The following ZNF786 variants were observed in gnomAD, a reference collection of about 807,000 sequenced individuals.
ZNF786 encodes zinc finger protein 786.
Under a neutral mutation model 63.1 loss-of-function variants are expected in ZNF786, and 56 were observed. The ratio of observed to expected loss-of-function variants is 0.89; its 90% CI spans 0.72 to 1.11. ZNF786 has a LOEUF of 1.11. Among genes scored for constraint, ZNF786 ranks in the 50% least tolerant of loss-of-function variants. The probability of loss-of-function intolerance (pLI) is 0.00; values close to 1 mark genes in which losing one functional copy is unlikely to be tolerated. For missense variants in ZNF786, 1,213 were observed against 1,041.8 expected (o/e 1.16, Z -2.26); for synonymous variants, 485 against 406.9 (o/e 1.19, Z -2.31).
rs751543988 is a variant in ZNF786 at position 149,070,769 on chromosome 7, C to G, written c.2003G>C (p.Arg668Thr). The change falls in exon 4 of 4, where the codon AGA (arginine) becomes ACA (threonine). Residue 668 changes from arginine to threonine, a missense_variant. Physicochemically the swap from Arg to Thr is moderately conservative, Grantham distance 71. Transcript: ENST00000491431. ...AAAAGGCTTCTCTCCCGTGTGCGTTCTGATGTGCTCGATGAGCTTTGAGTG... is the reference window on the plus strand; with the variant it reads ...AAAAGGCTTCTCTCCCGTGTGCGTTGTGATGTGCTCGATGAGCTTTGAGTG... Reference protein sequence around the residue: ...VKHSKLIEHIRTHTGEKPFQC... With the variant: ...VKHSKLIEHITTHTGEKPFQC... 1 of 1,613,820 alleles carries G rather than the reference C, an allele frequency of 6.2e-7. No homozygotes were observed. The highest frequency in any genetic ancestry group is 8.5e-7 in the Non-Finnish European group (1 of 1,179,954).
At chr7:149,082,308 C>T (rs1405123) in intron 1 of ZNF786, among the ~76,000 whole-genome samples, 122,972 of 152,146 alleles carry the variant, frequency 0.81, 49,882 homozygotes, top group East Asian at 0.96. Context: ...TTACTAGCAA[C>T]TGGTTTTGAA....
intron 1 of ZNF786, among the ~76,000 whole-genome samples, chr7:149,085,172 C>A (rs184465712): frequency 6.6e-6 from 1 of 152,128 alleles, no homozygotes. Context: ...CTTACCAGTA[C>A]CATGCTGTTT....
intron 1 of ZNF786, among the ~76,000 whole-genome samples, chr7:149,087,993 C>CTTTTTTTTTTTTTTTT (rs11304737): frequency 7.9e-6 from 1 of 126,272 alleles, no homozygotes; most frequent in Non-Finnish European, 1.7e-5. Context: ...GTTGCCCAGG[C>CTTTTTTTTTTTTTTTT]TTTTTTTTTT....
intron 1 of ZNF786, among the ~76,000 whole-genome samples, chr7:149,087,364 G>C (rs1188558594): frequency 2.0e-5 from 3 of 152,198 alleles, no homozygotes; most frequent in Non-Finnish European, 4.4e-5. Context: ...AGAAACACTA[G>C]ATTAGTGGTT....
Position 149,069,713 on chromosome 7 carries a change from C to T in ZNF786, c.*710G>A, listed in dbSNP as rs1387642703. 6.6e-6 allele frequency: 1 copy of T among 150,596 alleles called. No individual in the cohort carries two copies. The highest frequency in any genetic ancestry group is 2.5e-5 in the African/African-American group (1 of 40,808). The allele number at this position is 150,596 out of a possible 1,614,324, so 9.3% of individuals were successfully genotyped here. A position where few individuals can be genotyped will look rare whatever the true frequency, so the allele number is the denominator to read the frequency against. On this transcript the variant is annotated 3_prime_UTR_variant, in exon 4 of 4. Transcript: ENST00000491431. ...TCATTGCTCACTGCAGCCTTGACCT[C>T]CCTGGGCTCAGGCGATCCTCCCACC...
At chr7:149,079,611 G>A (rs1315595772) in intron 2 of ZNF786, among the ~76,000 whole-genome samples, 30 of 115,978 alleles carry the variant, frequency 2.6e-4, no homozygotes, top group Admixed American at 1.2e-3. Flanking sequence ...TCACTCTGTT[G>A]CCAGGCTGGA....
At chr7:149,090,291 A>C (rs1825809295) in intron 1 of ZNF786, among the ~76,000 whole-genome samples, 1 of 152,208 alleles carries the variant, frequency 6.6e-6, no homozygotes, top group Non-Finnish European at 1.5e-5. Context: ...TTGACCTGTA[A>C]CATCCACCTC....
chr7:149,083,862 A>G (rs1825689947), intron 1 of ZNF786, among the ~76,000 whole-genome samples: 1 of 152,120 alleles, frequency 6.6e-6, no homozygotes, highest in Non-Finnish European at 1.5e-5. Flanking sequence ...TCTGCAAAGG[A>G]TATGATTTTC....
Position 149,070,188 on chromosome 7 carries a change from G to C in ZNF786, c.*235C>G. 1 of 443,230 alleles carries C rather than the reference G, an allele frequency of 2.3e-6. No individual in the cohort carries two copies. The highest frequency in any genetic ancestry group is 2.8e-5 in the South Asian group (1 of 35,674). 27.5% of individuals were successfully genotyped at this position (443,230 alleles called of 1,614,324 possible). ...ATCACGCCACTGCACTCCAGCCTGG[G>C]TGACAGAGCAAAACTCCATCTTGGA... On this transcript the variant is annotated 3_prime_UTR_variant, in exon 4 of 4. Coordinates refer to ENST00000491431, the MANE Select transcript of ZNF786 (RefSeq NM_152411.4).
intron 1 of ZNF786, among the ~76,000 whole-genome samples, chr7:149,083,192 C>T (rs1177677261): frequency 6.6e-6 from 1 of 151,952 alleles, no homozygotes; most frequent in Non-Finnish European, 1.5e-5. Context: ...CCACCGCACC[C>T]AGCCAGCCTA....
Position 149,070,705 on chromosome 7 carries a change from C to T in ZNF786, c.2067G>A (p.Ala689=), listed in dbSNP as rs1399041917. 3 of 1,613,796 alleles carry T rather than the reference C, an allele frequency of 1.9e-6. No individual in the cohort carries two copies. The highest frequency in any genetic ancestry group is 3.3e-5 in the Admixed American group (2 of 60,020). The part of the protein sequence containing the change: ...PKCDKSFRLK[A]QLLSHQGLHT... Reference sequence around the variant, plus strand: ...GCAGGCCCTGATGGCTGAGCAGCTGCGCCTTCAGGCGGAAACTCTTGTCAC... The same window carrying T: ...GCAGGCCCTGATGGCTGAGCAGCTGTGCCTTCAGGCGGAAACTCTTGTCAC... Residue 689 remains alanine, a synonymous_variant, in exon 4 of 4, where the codon GCG becomes GCA. Transcript: ENST00000491431.
At chr7:149,082,370 G>A (rs1445141554) in intron 1 of ZNF786, 1 of 201,246 alleles carries the variant, frequency 5.0e-6, no homozygotes, top group Non-Finnish European at 8.9e-6. Context: ...GTATGCAAAT[G>A]TTCAGTATTG....
rs1272929312 is a variant in ZNF786 at position 149,072,121 on chromosome 7, G to A, written c.651C>T (p.Ala217=). Residue 217 remains alanine, a synonymous_variant, in exon 4 of 4, where the codon GCC becomes GCT. Transcript: ENST00000491431. ...CCGCCCTCTTGTTGAATTTCTCCCA[G>A]GCCCTACGTGTCCGGTCCTTTGAGT... The part of the protein sequence containing the change: ...RGHSKDRTRR[A]WEKFNKRAET... 4 of 1,613,106 alleles carry A rather than the reference G, an allele frequency of 2.5e-6. No homozygotes were observed. The highest frequency in any genetic ancestry group is 2.5e-6 in the Non-Finnish European group (3 of 1,179,714).
In ZNF786 at chr7:149,071,999, T is replaced by G. The variant is rs372836587; in HGVS notation, c.773A>C (p.His258Pro). ...GCCCCTCCCCGTGTGGGCCGCCAGATGGCGCAGCAGACACAGCTTCCGGCG... is the reference window on the plus strand; with the variant it reads ...GCCCCTCCCCGTGTGGGCCGCCAGAGGGCGCAGCAGACACAGCTTCCGGCG... ...SFRRKLCLLR[H>P]LAAHTGRGPF... The change falls in exon 4 of 4, where the codon CAT becomes CCT. Residue 258 changes from histidine (H) to proline (P), a missense_variant. By Grantham distance (77) the His-to-Pro change is moderately conservative (BLOSUM62 -2). Coordinates refer to ENST00000491431, the MANE Select transcript of ZNF786 (RefSeq NM_152411.4). 4 of 1,612,790 alleles carry G rather than the reference T, an allele frequency of 2.5e-6. No homozygotes were observed. Among genetic ancestry groups the G allele is most frequent in the Non-Finnish European group, 3.4e-6 (4 of 1,179,830 alleles).
In ZNF786 at chr7:149,071,676, C is replaced by T. The variant is rs996169006; in HGVS notation, c.1096G>A (p.Glu366Lys). ...CACTCCGAGCAGGAGCAGGGCCCCT[C>T]TGCGCCATGCTGCAGCGCCTCCGTG... ...GDTEALQHGA[E>K]GPCSCSECGE... Residue 366 changes from glutamate (E) to lysine (K), a missense_variant, in exon 4 of 4, where the codon GAG (glutamate) becomes AAG (lysine). By Grantham distance (56) the Glu-to-Lys change is moderately conservative (BLOSUM62 1). Transcript: ENST00000491431. 1.2e-5 allele frequency: 19 copies of T among 1,565,460 alleles called. No individual in the cohort carries two copies. Among genetic ancestry groups the T allele is most frequent in the Non-Finnish European group, 1.4e-5 (16 of 1,162,412 alleles).
chr7:149,075,806 G>C (rs2129515084), intron 2 of ZNF786, among the ~76,000 whole-genome samples: 1 of 152,060 alleles, frequency 6.6e-6, no homozygotes, highest in African/African-American at 2.4e-5. Flanking sequence ...GGGACTACAG[G>C]CGGGAGCCAC....
intron 3 of ZNF786, among the ~76,000 whole-genome samples, chr7:149,073,759 A>ATATATATATATATATG (rs1825487730): frequency 1.1e-5 from 1 of 93,640 alleles, no homozygotes; most frequent in African/African-American, 4.0e-5. Context: ...ATATATATAT[A>ATATATATATATATATG]TATATATATA....
chr7:149,076,176 G>A (rs1039059689), intron 2 of ZNF786, among the ~76,000 whole-genome samples: 12 of 151,606 alleles, frequency 7.9e-5, no homozygotes, highest in East Asian at 7.9e-4. Flanking sequence ...GTACAATGGC[G>A]CGATCTCAGC....
chr7:149,083,585 A>G (rs908078877), intron 1 of ZNF786, among the ~76,000 whole-genome samples: 1 of 152,172 alleles, frequency 6.6e-6, no homozygotes, highest in Non-Finnish European at 1.5e-5. Context: ...CAAGTTTGCT[A>G]TACAGGTAAA....
Sources: allele counts gnomAD v4.1 joint callset (sites outside exome capture counted in the v4.1 genomes callset), GRCh38; gene constraint gnomAD v4.1.1; transcripts MANE v1.5; gene names NCBI Gene and HGNC (gene_info 2026-07-23, HGNC 2026-07-21).